Variants in SLC4A4 observed in about 807,000 individuals in gnomAD.
SLC4A4 encodes the protein solute carrier family 4 member 4.
SLC4A4 carries 27 observed loss-of-function variants against 111.5 expected under a neutral mutation model. That is an observed-to-expected ratio of 0.24 (90% CI 0.18 to 0.33). The LOEUF is 0.33. Among genes scored for constraint, SLC4A4 ranks in the 10% least tolerant of loss-of-function variants. The probability of loss-of-function intolerance (pLI) is 1.00; values close to 1 mark genes in which losing one functional copy is unlikely to be tolerated. For missense variants in SLC4A4, 909 were observed against 1,315.5 expected (o/e 0.69, Z 4.78); for synonymous variants, 443 against 463.4 (o/e 0.96, Z 0.57).
At chr4:71,281,182 C>T (rs1723484772) in intron 3 of SLC4A4, among the ~76,000 whole-genome samples, 1 of 152,170 alleles carries the variant, frequency 6.6e-6, no homozygotes, top group African/African-American at 2.4e-5. Context: ...ACAATGGATG[C>T]TCATCACAAA....
At chr4:71,236,439 A>T in intron 1 of SLC4A4, 137 bp from the exon 2 acceptor site, 1 of 811,632 alleles carries the variant, frequency 1.2e-6, no homozygotes, top group South Asian at 1.5e-5. Context: ...GCAGTAGCAG[A>T]CACCAGAAGA....
At chr4:71,511,938 G>A (rs574184123) in intron 16 of SLC4A4, among the ~76,000 whole-genome samples, 1 of 152,196 alleles carries the variant, frequency 6.6e-6, no homozygotes, top group African/African-American at 2.4e-5. Context: ...TGCTGAAAAT[G>A]ACATTATTTA....
intron 16 of SLC4A4, among the ~76,000 whole-genome samples, chr4:71,522,168 G>GT (rs1286832328): frequency 6.6e-6 from 1 of 152,200 alleles, no homozygotes; most frequent in Admixed American, 6.5e-5. Context: ...TTAAAGGGGT[G>GT]TATCAGTCTG....
chr4:71,513,531 A>G (rs1732112531), intron 16 of SLC4A4, among the ~76,000 whole-genome samples: 1 of 152,028 alleles, frequency 6.6e-6, no homozygotes, highest in African/African-American at 2.4e-5. Context: ...TTTTTGATAG[A>G]GTTTTGGGGT....
At chr4:71,158,248 A>G (rs1326791148) in intron 2 of SLC4A4, among the ~76,000 whole-genome samples, 6 of 152,034 alleles carry the variant, frequency 3.9e-5, no homozygotes, top group African/African-American at 1.4e-4. Context: ...AAATATGATA[A>G]AAAGATTTAC....
chr4:71,447,710 A>G lies in SLC4A4; in HGVS notation c.1030A>G (p.Ile344Val), dbSNP rs1475806922. Residue 344 changes from isoleucine to valine, a missense_variant, in exon 9 of 26, where the codon ATT becomes GTT. Physicochemically the swap from Ile to Val is conservative, Grantham distance 29. Transcript: ENST00000264485. ...AKSYHEIGRAIATLMSDEVFH... is the reference protein window; with the variant it reads ...AKSYHEIGRAVATLMSDEVFH... ...GTCCTACCACGAGATTGGCAGAGCC[A>G]TTGCCACCCTGATGTCTGATGAGGT... The G allele has an allele frequency of 6.2e-7, 1 of 1,611,572 alleles. No individual in the cohort carries two copies. The highest frequency in any genetic ancestry group is 1.1e-5 in the South Asian group (1 of 90,940).
At chr4:71,221,308 T>C (rs1718731120) in intron 1 of SLC4A4, among the ~76,000 whole-genome samples, 1 of 152,218 alleles carries the variant, frequency 6.6e-6, no homozygotes, top group South Asian at 2.1e-4. Context: ...TGCTTTCCAC[T>C]GTGAAGGACA....
intron 2 of SLC4A4, among the ~76,000 whole-genome samples, chr4:71,140,402 C>G (rs1414227197): frequency 6.6e-6 from 1 of 152,116 alleles, no homozygotes; most frequent in Non-Finnish European, 1.5e-5. Flanking sequence ...GCCTGAGCGA[C>G]AAAATGAGAC....
chr4:71,413,432 T>C (rs1721566374), intron 7 of SLC4A4, among the ~76,000 whole-genome samples: 2 of 152,246 alleles, frequency 1.3e-5, no homozygotes, highest in Admixed American at 1.3e-4. Context: ...ATTGACAATT[T>C]CTTATTAGAT....
At chr4:71,479,701 C>CTCAG (rs1728696689) in intron 14 of SLC4A4, among the ~76,000 whole-genome samples, 2 of 151,722 alleles carry the variant, frequency 1.3e-5, no homozygotes, top group African/African-American at 4.8e-5. Context: ...TGTAGCATCC[C>CTCAG]TCAGGCTTGC....
chr4:71,142,153 A>G (rs1332986332), intron 2 of SLC4A4, among the ~76,000 whole-genome samples: 2 of 152,252 alleles, frequency 1.3e-5, no homozygotes, highest in African/African-American at 4.8e-5. Flanking sequence ...CTCTATAATT[A>G]GACCTAATTC....
At chr4:71,533,422 C>A (rs1578131090) in intron 17 of SLC4A4, among the ~76,000 whole-genome samples, 1 of 152,094 alleles carries the variant, frequency 6.6e-6, no homozygotes, top group Non-Finnish European at 1.5e-5. Context: ...AGAAGTGAGA[C>A]TTTCTTGATA....
At chr4:71,166,999 A>T (rs1344821966) in intron 2 of SLC4A4, among the ~76,000 whole-genome samples, 2 of 152,148 alleles carry the variant, frequency 1.3e-5, no homozygotes, top group African/African-American at 4.8e-5. Flanking sequence ...TTAGTAACTT[A>T]CAACAATAAG....
At chr4:71,335,299 A>G (rs576887261) in intron 3 of SLC4A4, among the ~76,000 whole-genome samples, 1 of 152,268 alleles carries the variant, frequency 6.6e-6, no homozygotes, top group South Asian at 2.1e-4. Context: ...TATATTTGTG[A>G]TTGCTAGTTT....
chr4:71,102,049 G>T (rs1036208328), intron 2 of SLC4A4, among the ~76,000 whole-genome samples: 1 of 151,430 alleles, frequency 6.6e-6, no homozygotes, highest in Non-Finnish European at 1.5e-5. Context: ...TGTATAACTA[G>T]AATAACCAAT....
intron 2 of SLC4A4, among the ~76,000 whole-genome samples, chr4:71,142,794 A>G (rs1475539945): frequency 1.9e-5 from 2 of 104,676 alleles, no homozygotes; most frequent in Admixed American, 1.2e-4. Context: ...TTAGCTTTCT[A>G]CAGCTTTAAT....
chr4:71,141,574 C>G (rs1743998596), intron 2 of SLC4A4, among the ~76,000 whole-genome samples: 2 of 152,156 alleles, frequency 1.3e-5, no homozygotes. Context: ...TCACTTGGGT[C>G]TCAGCTCAAA....
intron 14 of SLC4A4, among the ~76,000 whole-genome samples, chr4:71,484,232 T>C (rs1729159355): frequency 6.6e-6 from 1 of 151,834 alleles, no homozygotes; most frequent in Non-Finnish European, 1.5e-5. Flanking sequence ...GGCATCTTTG[T>C]CATGAAATCT....
chr4:71,323,731 C>A (rs1046627363), intron 3 of SLC4A4, among the ~76,000 whole-genome samples: 1 of 152,034 alleles, frequency 6.6e-6, no homozygotes, highest in Non-Finnish European at 1.5e-5. Context: ...TCTGTACTTA[C>A]CCCCAAAATT....
Sources: allele counts gnomAD v4.1 joint callset (sites outside exome capture counted in the v4.1 genomes callset), GRCh38; gene constraint gnomAD v4.1.1; transcripts MANE v1.5; gene names NCBI Gene and HGNC (gene_info 2026-07-23, HGNC 2026-07-21).